The following REC114 variants were observed in gnomAD, a reference collection of about 807,000 sequenced individuals.
REC114 encodes the protein meiotic recombination protein REC114.
In REC114, 27 loss-of-function variants were observed where a neutral mutation model predicts 31.3. That is an observed-to-expected ratio of 0.86 (90% CI 0.64 to 1.19). The LOEUF (loss-of-function observed/expected upper bound fraction) is 1.19. Among genes scored for constraint, REC114 ranks in the 50% most tolerant of loss-of-function variants. The pLI is 0.00. For missense variants in REC114, 344 were observed against 326.9 expected, an observed-to-expected ratio of 1.05 and a Z score of -0.40; for synonymous variants, 134 against 127.7, an observed-to-expected ratio of 1.05 and a Z score of -0.33.
At chr15:73,516,113 A>G (rs911972958) in intron 2 of REC114, among the ~76,000 whole-genome samples, 9 of 151,680 alleles carry the variant, frequency 5.9e-5, no homozygotes, top group African/African-American at 1.7e-4. Flanking sequence ...CAGCCCCCCA[A>G]TAGCTAGGAT....
rs753919369 is a variant in REC114, at chr15:73,551,148, GGAGT to G, written c.545_546+2del. 2 of 1,597,714 alleles carry G rather than the reference GGAGT, an allele frequency of 1.3e-6. No homozygotes were observed. The highest frequency in any genetic ancestry group is 2.3e-5 in the South Asian group (2 of 88,828). On this transcript the variant is annotated splice_donor_variant and coding_sequence_variant, in exon 4 of 6. Coordinates refer to ENST00000331090, the MANE Select transcript of REC114 (RefSeq NM_001042367.2). LOFTEE classifies it high-confidence loss of function. ...TGCAAAGAGTGTCCCACGGCAGCCT[GGAGT>G]AAGTAGGCTGATGTGTTGGTTATAC...
chr15:73,461,556 C>T (rs1892987074), intron 1 of REC114, among the ~76,000 whole-genome samples: 4 of 152,152 alleles, frequency 2.6e-5, no homozygotes, highest in Admixed American at 2.0e-4. Context: ...TTTTCATACT[C>T]TTTTGACTTT....
intron 2 of REC114, among the ~76,000 whole-genome samples, chr15:73,539,282 ATTTTTTTTTTTTTT>A (rs753968018): frequency 3.4e-4 from 24 of 70,822 alleles, no homozygotes; most frequent in Non-Finnish European, 5.3e-4. Context: ...TTCAGAACTG[ATTTTTTTTTTTTTT>A]TTTTTTTTTT....
chr15:73,529,924 C>T (rs1275074339), intron 2 of REC114, among the ~76,000 whole-genome samples: 1 of 152,314 alleles, frequency 6.6e-6, no homozygotes, highest in South Asian at 2.1e-4. Context: ...AATAACTTTT[C>T]ATGGCATATC....
chr15:73,514,929 ATTTT>A (rs34985483), intron 2 of REC114, among the ~76,000 whole-genome samples: 4 of 132,666 alleles, frequency 3.0e-5, no homozygotes, highest in Non-Finnish European at 4.9e-5. Flanking sequence ...TAACACTCTG[ATTTT>A]TTTTTTTTTT....
In REC114 at chr15:73,559,979, T is replaced by G; in HGVS notation, c.*63T>G. On this transcript the variant is annotated 3_prime_UTR_variant, in exon 6 of 6. Coordinates refer to ENST00000331090, the MANE Select transcript of REC114 (RefSeq NM_001042367.2). ...ATTGAAAAATGCTTCCTCCTAAAAT[T>G]AAAGAAGATATTAGAATAAAGAGTA... 2.1e-6 allele frequency: 3 copies of G among 1,403,432 alleles called. No individual in the cohort carries two copies. Among genetic ancestry groups the G allele is most frequent in the Non-Finnish European group, 2.9e-6 (3 of 1,037,902 alleles). 86.9% of individuals were successfully genotyped at this position (1,403,432 alleles called of 1,614,324 possible).
Position 73,553,066 on chromosome 15 carries a change from C to T in REC114, c.546+1916C>T, listed in dbSNP as rs139041683. 9.6e-3 allele frequency among the ~76,000 whole-genome samples: 1,468 copies of T among 152,274 alleles called. 29 individuals are homozygous for T. The highest frequency in any genetic ancestry group is 0.034 in the African/African-American group (1,403 of 41,556). On this transcript the variant is annotated intron_variant, in intron 4 of 5. Transcript: ENST00000331090. ...CTGACCTCAGGAGATCCACCCTCCT[C>T]GGCCTCCCAAAGTGCTGGGATTACA...
chr15:73,481,364 G>C (rs556006668), intron 2 of REC114, among the ~76,000 whole-genome samples: 2 of 152,174 alleles, frequency 1.3e-5, no homozygotes, highest in East Asian at 3.9e-4. Flanking sequence ...CATCTTGCTT[G>C]TTCATATAGC....
At chr15:73,476,936 T>C (rs1332134367) in intron 2 of REC114, among the ~76,000 whole-genome samples, 3 of 152,238 alleles carry the variant, frequency 2.0e-5, no homozygotes, top group African/African-American at 7.2e-5. Context: ...TGTTTAACTT[T>C]ATAGGAAACT....
chr15:73,523,611 G>T (rs866132664), intron 2 of REC114, among the ~76,000 whole-genome samples: 5 of 152,150 alleles, frequency 3.3e-5, no homozygotes, highest in African/African-American at 1.2e-4. Flanking sequence ...TTGCTTTAAC[G>T]TATATATGTT....
At chr15:73,537,125 C>T (rs7172519) in intron 2 of REC114, among the ~76,000 whole-genome samples, 4,494 of 152,262 alleles carry the variant, frequency 0.03, 76 homozygotes, top group African/African-American at 0.051. Context: ...ACGAACTTAG[C>T]CCCTTCCCTC....
intron 1 of REC114, among the ~76,000 whole-genome samples, chr15:73,469,582 A>G (rs938328146): frequency 2.1e-4 from 31 of 150,476 alleles, no homozygotes; most frequent in African/African-American, 6.4e-4. Flanking sequence ...GGCGTGTACC[A>G]CCGTGCCTGG....
chr15:73,539,622 T>A (rs1473500586), intron 2 of REC114, among the ~76,000 whole-genome samples: 1 of 151,982 alleles, frequency 6.6e-6, no homozygotes, highest in Non-Finnish European at 1.5e-5. Context: ...TTTCTTCTGT[T>A]TTTTTAAGAG....
intron 2 of REC114, among the ~76,000 whole-genome samples, chr15:73,494,446 C>T (rs1368754271): frequency 1.3e-5 from 2 of 148,670 alleles, no homozygotes; most frequent in Admixed American, 6.7e-5. Flanking sequence ...GAGCCTAGAT[C>T]ATGCCACTTC....
intron 1 of REC114, among the ~76,000 whole-genome samples, chr15:73,445,213 G>A (rs1033989230): frequency 1.3e-5 from 2 of 152,194 alleles, no homozygotes; most frequent in African/African-American, 4.8e-5. Context: ...GAGTCAGCCT[G>A]CCCTTTGAAG....
At chr15:73,526,205 T>A (rs951461296) in intron 2 of REC114, among the ~76,000 whole-genome samples, 3 of 152,184 alleles carry the variant, frequency 2.0e-5, no homozygotes, top group Non-Finnish European at 4.4e-5. Flanking sequence ...TTTATCTGTT[T>A]CTTTACATTC....
intron 3 of REC114, among the ~76,000 whole-genome samples, chr15:73,548,831 A>G (rs1035105992): frequency 1.3e-5 from 2 of 152,212 alleles, no homozygotes; most frequent in African/African-American, 2.4e-5. Context: ...TGGTACATGC[A>G]CACCATGGAG....
intron 1 of REC114, among the ~76,000 whole-genome samples, chr15:73,452,832 A>G (rs1172338393): frequency 1.3e-5 from 2 of 152,168 alleles, no homozygotes; most frequent in African/African-American, 4.8e-5. Flanking sequence ...AACACCACAC[A>G]TCTACAACCA....
At chr15:73,504,899 T>G (rs1204171162) in intron 2 of REC114, among the ~76,000 whole-genome samples, 5 of 152,220 alleles carry the variant, frequency 3.3e-5, no homozygotes, top group African/African-American at 1.2e-4. Context: ...TAAGAAACCC[T>G]GAACCTTGGG....
Sources: gnomAD v4.1 joint callset for allele counts (sites outside exome capture counted in the v4.1 genomes callset) on GRCh38, gnomAD v4.1.1 for gene constraint, MANE v1.5 for transcripts, NCBI Gene and HGNC (gene_info 2026-07-23, HGNC 2026-07-21) for gene names.